The following ZFPM2 variants were observed in gnomAD, a reference collection of about 807,000 sequenced individuals.
ZFPM2 encodes the protein zinc finger protein ZFPM2.
Under a neutral mutation model 98.6 loss-of-function variants are expected in ZFPM2, and 20 were observed. That is an observed-to-expected ratio of 0.20 (90% CI 0.14 to 0.29). The LOEUF is 0.29. Ranked by LOEUF, ZFPM2 falls within the 10% of genes least tolerant of loss-of-function variation. ZFPM2 has a pLI of 1.00. For synonymous variants in ZFPM2, 518 were observed against 502.7 expected (o/e 1.03, Z -0.41); for missense variants, 1,310 against 1,388.6 (o/e 0.94, Z 0.90).
chr8:105,560,713 A>T (rs574122871), intron 3 of ZFPM2, among the ~76,000 whole-genome samples: 27 of 151,344 alleles, frequency 1.8e-4, no homozygotes, highest in Non-Finnish European at 3.4e-4. Flanking sequence ...ATTTCCCTTT[A>T]TAGGTTCCAA....
At chr8:105,719,769 A>G (rs1437508463) in intron 5 of ZFPM2, among the ~76,000 whole-genome samples, 1 of 151,940 alleles carries the variant, frequency 6.6e-6, no homozygotes, top group African/African-American at 2.4e-5. Context: ...AATGTCCACG[A>G]CTGCCTATGT....
intron 1 of ZFPM2, among the ~76,000 whole-genome samples, chr8:105,393,068 G>A (rs1365483749): frequency 6.6e-6 from 1 of 152,112 alleles, no homozygotes; most frequent in African/African-American, 2.4e-5. Flanking sequence ...TCTCATCTGT[G>A]TGATGAGATA....
chr8:105,649,824 A>G (rs1817130600), intron 5 of ZFPM2, among the ~76,000 whole-genome samples: 1 of 152,124 alleles, frequency 6.6e-6, no homozygotes, highest in Non-Finnish European at 1.5e-5. Context: ...TTCATCAAGG[A>G]TATTGGTCTA....
At chr8:105,601,342 G>A (rs1304176760) in intron 4 of ZFPM2, among the ~76,000 whole-genome samples, 3 of 152,112 alleles carry the variant, frequency 2.0e-5, no homozygotes, top group Non-Finnish European at 4.4e-5. Flanking sequence ...GCCTGGGAAA[G>A]TCTGTAAGGG....
At chr8:105,664,433 C>T (rs970613196) in intron 5 of ZFPM2, among the ~76,000 whole-genome samples, 1 of 151,900 alleles carries the variant, frequency 6.6e-6, no homozygotes, top group African/African-American at 2.4e-5. Context: ...CCTCCGGGTT[C>T]AAGCGATTCT....
intron 5 of ZFPM2, among the ~76,000 whole-genome samples, chr8:105,704,107 C>T (rs1811203876): frequency 7.1e-5 from 2 of 28,362 alleles, no homozygotes; most frequent in South Asian, 4.1e-3. Context: ...GGGAAAACAC[C>T]AAGCTATCTC....
At chr8:105,357,140 G>A (rs1812764181) in intron 1 of ZFPM2, among the ~76,000 whole-genome samples, 1 of 152,096 alleles carries the variant, frequency 6.6e-6, no homozygotes, top group Admixed American at 6.6e-5. Context: ...ACACACGTGA[G>A]TCCCTGCCTC....
At chr8:105,628,201 A>C (rs1816693845) in intron 4 of ZFPM2, among the ~76,000 whole-genome samples, 2 of 152,208 alleles carry the variant, frequency 1.3e-5, no homozygotes, top group African/African-American at 4.8e-5. Context: ...AGATGCTACC[A>C]GTGGCATGTG....
At chr8:105,650,117 G>A (rs1817139498) in intron 5 of ZFPM2, among the ~76,000 whole-genome samples, 1 of 152,100 alleles carries the variant, frequency 6.6e-6, no homozygotes, top group African/African-American at 2.4e-5. Flanking sequence ...GGGTCTATGT[G>A]TCGAGGAATT....
intron 4 of ZFPM2, among the ~76,000 whole-genome samples, chr8:105,573,751 T>A (rs1815406129): frequency 6.6e-6 from 1 of 152,162 alleles, no homozygotes; most frequent in African/African-American, 2.4e-5. Context: ...TTCTTCTCCT[T>A]TGGTAATTTT....
chr8:105,766,293 T>G (rs1812851487), intron 5 of ZFPM2, among the ~76,000 whole-genome samples: 1 of 151,974 alleles, frequency 6.6e-6, no homozygotes, highest in Non-Finnish European at 1.5e-5. Context: ...TCAAAGCGTT[T>G]GCTTGTACCT....
At position 105,611,855 on chromosome 8, in the gene ZFPM2, C is replaced by T. The variant is rs1444973902; in HGVS notation, c.421-22391C>T. Among the ~76,000 whole-genome samples the T allele has an allele frequency of 7.9e-5, 12 of 151,960 alleles. No homozygotes were observed. In the East Asian group the frequency reaches 1.4e-3, roughly 17 times the overall value. On this transcript the variant is annotated intron_variant, in intron 4 of 7. Coordinates refer to ENST00000407775, the MANE Select transcript of ZFPM2 (RefSeq NM_012082.4). ...CTGGGATTACAGGCACCCACCACCA[C>T]GCCTAGCTAATTTTTTGTATTTTTT... is the stretch of plus-strand genomic sequence containing the variant.
At position 105,519,791 on chromosome 8, in the gene ZFPM2, G is replaced by C. The variant is rs1814011645; in HGVS notation, c.302-41572G>C. 2.0e-5 allele frequency among the ~76,000 whole-genome samples: 3 copies of C among 151,516 alleles called. No individual in the cohort carries two copies. In the South Asian group the frequency reaches 6.2e-4, roughly 31 times the overall value. Reference sequence around the variant, plus strand: ...AAGTGTGTTGACATTACTTTTGATGGCCTGGATTTTTTTTTTTTAATGTGT... The same window carrying C: ...AAGTGTGTTGACATTACTTTTGATGCCCTGGATTTTTTTTTTTTAATGTGT... On this transcript the variant is annotated intron_variant, in intron 3 of 7. Transcript: ENST00000407775.
chr8:105,595,664 T>C (rs188892644), intron 4 of ZFPM2, among the ~76,000 whole-genome samples: 1 of 152,220 alleles, frequency 6.6e-6, no homozygotes, highest in Admixed American at 6.5e-5. Flanking sequence ...TTAAAGAAGG[T>C]AACAGGAAAC....
At chr8:105,474,671 T>C (rs1812978171) in intron 3 of ZFPM2, among the ~76,000 whole-genome samples, 1 of 152,228 alleles carries the variant, frequency 6.6e-6, no homozygotes, top group Non-Finnish European at 1.5e-5. Context: ...AGTCAATCAT[T>C]AGCTATCATT....
chr8:105,445,828 C>T (rs1428786861), intron 3 of ZFPM2, among the ~76,000 whole-genome samples: 2 of 152,032 alleles, frequency 1.3e-5, no homozygotes, highest in Non-Finnish European at 1.5e-5. Context: ...TAGTCTCAAA[C>T]TCCTGAGCTC....
At chr8:105,595,483 C>T (rs1815948615) in intron 4 of ZFPM2, among the ~76,000 whole-genome samples, 1 of 152,008 alleles carries the variant, frequency 6.6e-6, no homozygotes, top group South Asian at 2.1e-4. Context: ...CAGAAGGCTT[C>T]CAGAAGGTGA....
At chr8:105,380,599 T>TAAC (rs1228249595) in intron 1 of ZFPM2, among the ~76,000 whole-genome samples, 6 of 54,300 alleles carry the variant, frequency 1.1e-4, no homozygotes, top group Non-Finnish European at 1.9e-4. Flanking sequence ...GGTATATATA[T>TAAC]ATTATATATA....
chr8:105,428,436 T>C (rs1811956794), intron 2 of ZFPM2, among the ~76,000 whole-genome samples: 1 of 152,214 alleles, frequency 6.6e-6, no homozygotes, highest in African/African-American at 2.4e-5. Context: ...ATTGAAAGCA[T>C]GTTAGTCTCA....
Sources: gnomAD v4.1 joint callset for allele counts (sites outside exome capture counted in the v4.1 genomes callset) on GRCh38, gnomAD v4.1.1 for gene constraint, MANE v1.5 for transcripts, NCBI Gene and HGNC (gene_info 2026-07-23, HGNC 2026-07-21) for gene names.